Variants in HAUS1 observed in about 807,000 individuals in gnomAD.
The protein encoded by HAUS1 is HAUS augmin-like complex subunit 1.
A neutral mutation model predicts 38.6 loss-of-function variants in HAUS1; 25 were observed. The ratio of observed to expected loss-of-function variants is 0.65; its 90% CI spans 0.47 to 0.91. The LOEUF (loss-of-function observed/expected upper bound fraction) is 0.91, where lower values mean the gene tolerates loss of function less well. HAUS1 is among the 40% of genes least tolerant of loss of function. The probability of loss-of-function intolerance (pLI) is 0.00; values close to 1 mark genes in which losing one functional copy is unlikely to be tolerated. For synonymous variants in HAUS1, 109 were observed against 112.9 expected, an observed-to-expected ratio of 0.97 and a Z score of 0.22; for missense variants, 325 against 328.4, an observed-to-expected ratio of 0.99 and a Z score of 0.08.
intron 2 of HAUS1, among the ~76,000 whole-genome samples, chr18:46,107,600 G>T (rs1817207863): frequency 6.6e-6 from 1 of 152,184 alleles, no homozygotes; most frequent in African/African-American, 2.4e-5. Context: ...TGAAAAATAT[G>T]TGGAACTTTA....
chr18:46,121,398 G>A (rs1024623274), intron 4 of HAUS1, among the ~76,000 whole-genome samples: 9 of 152,060 alleles, frequency 5.9e-5, no homozygotes, highest in African/African-American at 2.2e-4. Context: ...CACCATGTTG[G>A]CCAGGCTGGT....
intron 2 of HAUS1, among the ~76,000 whole-genome samples, chr18:46,106,359 C>A (rs763368794): frequency 5.3e-5 from 8 of 151,938 alleles, no homozygotes; most frequent in Non-Finnish European, 8.8e-5. Context: ...GTTCCAGCTG[C>A]TCGGAAGGCT....
chr18:46,110,826 AC>A (rs1249787482), intron 2 of HAUS1, among the ~76,000 whole-genome samples: 1 of 147,136 alleles, frequency 6.8e-6, no homozygotes, highest in Non-Finnish European at 1.5e-5. Context: ...CATTAATCTT[AC>A]TGGGGTTTCT....
rs748888257 is a variant in HAUS1 at position 46,105,399 on chromosome 18, A to G, written c.205+31A>G. 1.3e-5 allele frequency: 21 copies of G among 1,587,026 alleles called. No individual in the cohort carries two copies. In the Admixed American group the frequency reaches 1.6e-4, roughly 12 times the overall value. On this transcript the variant is annotated intron_variant, in intron 2 of 8. Coordinates refer to ENST00000282058, the MANE Select transcript of HAUS1 (RefSeq NM_138443.4). ...ATTAAGTCCAGAGTTTTGAACGAGA[A>G]TAAATAGAGGTAACCAAATTTTATA...
intron 2 of HAUS1, among the ~76,000 whole-genome samples, chr18:46,113,240 C>A (rs1480005926): frequency 4.6e-5 from 7 of 151,148 alleles, no homozygotes; most frequent in African/African-American, 1.7e-4. Context: ...CTATGCCTGG[C>A]TAAGTTTTGT....
chr18:46,126,622 T>C (rs907862124), intron 8 of HAUS1: 10 of 139,700 alleles, frequency 7.2e-5, no homozygotes, highest in African/African-American at 2.5e-4. Flanking sequence ...ATCAAAGCTA[T>C]GCTTTCTTTT....
intron 2 of HAUS1, among the ~76,000 whole-genome samples, chr18:46,110,937 C>T (rs991168779): frequency 6.3e-5 from 9 of 142,100 alleles, no homozygotes; most frequent in Non-Finnish European, 1.2e-4. Context: ...AGTGCAGTGG[C>T]GCATTCTCGG....
chr18:46,115,756 T>TA (rs1911781035), intron 2 of HAUS1, among the ~76,000 whole-genome samples: 1 of 152,138 alleles, frequency 6.6e-6, no homozygotes, highest in Non-Finnish European at 1.5e-5. Flanking sequence ...GCAAACAAAA[T>TA]AAAAAGTATA....
intron 2 of HAUS1, among the ~76,000 whole-genome samples, chr18:46,108,342 G>A (rs1391359907): frequency 7.0e-6 from 1 of 143,316 alleles, no homozygotes; most frequent in African/African-American, 2.6e-5. Flanking sequence ...TAGAGACAGT[G>A]TTTCACCGTG....
At position 46,115,794 on chromosome 18, in the gene HAUS1, CTT is replaced by C. The variant is rs1332871151; in HGVS notation, c.206-2384_206-2383del. Among the ~76,000 whole-genome samples, 3 of 152,202 alleles carry C rather than the reference CTT, an allele frequency of 2.0e-5. 1 individual carries two copies. Among genetic ancestry groups the C allele is most frequent in the Admixed American group, 2.0e-4 (3 of 15,272 alleles). On this transcript the variant is annotated intron_variant, in intron 2 of 8. Coordinates refer to ENST00000282058, the MANE Select transcript of HAUS1 (RefSeq NM_138443.4). ...AATTAGACATCATCAAAATTTAAAACTTTTGTTCTCAAAGGACACCATCAAGA... is the reference window on the plus strand; with the variant it reads ...AATTAGACATCATCAAAATTTAAAACTTGTTCTCAAAGGACACCATCAAGA...
rs1393384978 is a variant in HAUS1, at chr18:46,113,050, TATTATATATATAATATATATATTCC to T, written c.206-5128_206-5104del. Among the ~76,000 whole-genome samples the T allele has an allele frequency of 2.3e-3, 304 of 135,070 alleles. 3 individuals are homozygous for T. Among genetic ancestry groups the T allele is most frequent in the African/African-American group, 7.9e-3 (282 of 35,714 alleles). The allele number at this position is 135,070 out of a possible 152,430, so 88.6% of individuals were successfully genotyped here. On this transcript the variant is annotated intron_variant, in intron 2 of 8. Transcript: ENST00000282058. ...TTATATATATAATATATATATTCCA[TATTATATATATAATATATATATTCC>T]ATATATATATATATATTTTTTGAGA...
At chr18:46,115,594 C>T (rs1278516674) in intron 2 of HAUS1, among the ~76,000 whole-genome samples, 10 of 151,782 alleles carry the variant, frequency 6.6e-5, no homozygotes, top group Non-Finnish European at 1.5e-4. Flanking sequence ...TGCCACTGCA[C>T]TCCAGCTTGG....
At chr18:46,122,324 G>T in intron 4 of HAUS1, 143 bp from the exon 5 acceptor site, 1 of 670,282 alleles carries the variant, frequency 1.5e-6, no homozygotes, top group Non-Finnish European at 2.5e-6. Flanking sequence ...AAAAAACCCA[G>T]AGTGCAACAT....
In HAUS1 at chr18:46,124,905, C is replaced by A; in HGVS notation, c.738+12C>A. On this transcript the variant is annotated intron_variant, in intron 7 of 8. Transcript: ENST00000282058. ...TAGACTTAATGCCGGTAATAATTTT[C>A]GCGAATTAAAAAACAATTATTTCCT... 6.8e-7 allele frequency: 1 copy of A among 1,476,534 alleles called. No individual in the cohort carries two copies. The highest frequency in any genetic ancestry group is 9.5e-7 in the Non-Finnish European group (1 of 1,057,618). The allele number at this position is 1,476,534 out of a possible 1,614,324, so 91.5% of individuals were successfully genotyped here. A position where few individuals can be genotyped will look rare whatever the true frequency, so the allele number is the denominator to read the frequency against.
chr18:46,110,173 T>G (rs1911581548), intron 2 of HAUS1, among the ~76,000 whole-genome samples: 1 of 144,452 alleles, frequency 6.9e-6, no homozygotes, highest in Non-Finnish European at 1.5e-5. Context: ...TTTTTTTTTT[T>G]GACACAGAGT....
chr18:46,107,100 A>C (rs974807257), intron 2 of HAUS1, among the ~76,000 whole-genome samples: 1 of 152,088 alleles, frequency 6.6e-6, no homozygotes, highest in East Asian at 1.9e-4. Flanking sequence ...ATTTTAATAC[A>C]CTTAGAGTGT....
chr18:46,105,771 G>A (rs976576362), intron 2 of HAUS1, among the ~76,000 whole-genome samples: 1 of 151,968 alleles, frequency 6.6e-6, no homozygotes, highest in Non-Finnish European at 1.5e-5. Flanking sequence ...AGTAAAGACA[G>A]GGTTTCACAA....
intron 4 of HAUS1, 81 bp from the exon 5 acceptor site, chr18:46,122,386 C>T: frequency 1.4e-6 from 2 of 1,443,112 alleles, no homozygotes; most frequent in Non-Finnish European, 1.9e-6. Context: ...GCATTGAATC[C>T]AAAAGTAGTA....
chr18:46,116,529 C>G (rs1359775001), intron 2 of HAUS1, among the ~76,000 whole-genome samples: 1 of 151,644 alleles, frequency 6.6e-6, no homozygotes, highest in African/African-American at 2.4e-5. Context: ...CCATTGTACT[C>G]CAGCCTGGGT....
Sources: gnomAD v4.1 joint callset for allele counts (sites outside exome capture counted in the v4.1 genomes callset) on GRCh38, gnomAD v4.1.1 for gene constraint, MANE v1.5 for transcripts, NCBI Gene and HGNC (gene_info 2026-07-23, HGNC 2026-07-21) for gene names.